IRF4: variants seen among roughly 807,000 people sequenced by gnomAD.
The protein encoded by IRF4 is interferon regulatory factor 4, also known as lymphocyte-specific interferon regulatory factor.
Under a neutral mutation model 55.5 loss-of-function variants are expected in IRF4, and 13 were observed. The observed-to-expected ratio is 0.23, with a 90% confidence interval of 0.15 to 0.37. The LOEUF is 0.37. Among genes scored for constraint, IRF4 ranks in the 10% least tolerant of loss-of-function variants. IRF4 has a pLI of 1.00. For missense variants in IRF4, 397 were observed against 593.8 expected (o/e 0.67, Z 3.44); for synonymous variants, 249 against 240.7 (o/e 1.03, Z -0.32).
rs139884486 is a variant in IRF4, at chr6:393,175, G to T, written c.23G>T (p.Arg8Leu). The stretch of plus-strand genomic sequence containing the variant: ...GGCATGAACCTGGAGGGCGGCGGCC[G>T]AGGCGGAGAGTTCGGCATGAGCGCG... The part of the protein sequence containing the change: MNLEGGG[R>L]GGEFGMSAVS... The change falls in exon 2 of 9, where the codon CGA (arginine) becomes CTA (leucine). Residue 8 changes from arginine to leucine, a missense_variant. Physicochemically the swap from Arg to Leu is moderately radical, Grantham distance 102 (BLOSUM62 -2). This residue lies in a region of IRF4 where 34 missense variants were observed against 29.4 expected (regional missense o/e 1.16). Transcript: ENST00000380956. The surrounding 1 kb of genome is among the most constrained non-coding windows in gnomAD (Gnocchi z 5.4). The T allele has an allele frequency of 2.6e-5, 40 of 1,552,266 alleles. No homozygotes were observed. In the African/African-American group the frequency reaches 5.2e-4, roughly 20 times the overall value.
rs34553882 is a variant in IRF4, at chr6:393,837, GTC to G, written c.216+480_216+481del. 0.13 allele frequency among the ~76,000 whole-genome samples: 19,394 copies of G among 151,944 alleles called. 2,897 individuals carry two copies. The highest frequency in any genetic ancestry group is 0.36 in the African/African-American group (14,717 of 41,358). ...CTCTTTTCGCTGCTTTTCTCTCTGAGTCTCTCTCTCTCCATGTTTTTCCTGAG... is the reference window on the plus strand; with the variant it reads ...CTCTTTTCGCTGCTTTTCTCTCTGAGTCTCTCTCTCCATGTTTTTCCTGAG... On this transcript the variant is annotated intron_variant, in intron 2 of 8. Transcript: ENST00000380956. This position sits in a 1 kb window ranked among gnomAD's most constrained non-coding sequence, Gnocchi z 5.4.
Position 407,661 on chromosome 6 carries a change from C to T in IRF4, c.*63C>T, listed in dbSNP as rs1336337228. ...TTTTTTTTTTTTTGATACGGGGATA[C>T]GGGGTCTTGCTCTGTCTCCCAGGCT... On this transcript the variant is annotated 3_prime_UTR_variant, in exon 9 of 9. Coordinates refer to ENST00000380956, the MANE Select transcript of IRF4 (RefSeq NM_002460.4). 6.7e-5 allele frequency: 91 copies of T among 1,360,148 alleles called. No homozygotes were observed. Among genetic ancestry groups the T allele is most frequent in the South Asian group, 4.3e-4 (33 of 76,858 alleles). The allele number at this position is 1,360,148 out of a possible 1,614,324, so 84.3% of individuals were successfully genotyped here.
intron 6 of IRF4, among the ~76,000 whole-genome samples, chr6:400,840 C>T (rs1442470684): frequency 6.6e-6 from 1 of 151,874 alleles, no homozygotes; most frequent in Non-Finnish European, 1.5e-5. Flanking sequence ...TAAATGATGT[C>T]ATGTTATTAT....
intron 7 of IRF4, among the ~76,000 whole-genome samples, chr6:402,420 C>T (rs1254630457): frequency 6.7e-6 from 1 of 150,068 alleles, no homozygotes; most frequent in Non-Finnish European, 1.5e-5. Flanking sequence ...TGGGGCTGTC[C>T]AGGTGGAGGG....
chr6:401,331 A>C, intron 6 of IRF4, 93 bp from the exon 7 acceptor site: 1 of 927,476 alleles, frequency 1.1e-6, no homozygotes, highest in East Asian at 2.5e-5. Flanking sequence ...GGGACACTAG[A>C]GTTCCACCAC....
chr6:411,097 C>G lies in IRF4; in HGVS notation c.*3499C>G. On this transcript the variant is annotated 3_prime_UTR_variant, in exon 9 of 9. Coordinates refer to ENST00000380956, the MANE Select transcript of IRF4 (RefSeq NM_002460.4). Reference sequence around the variant, plus strand: ...GAAGGGCCAGGCCGGCAGGCCAACCCTCCTCCAATGGAAATTCCCGTGTTG... The same window carrying G: ...GAAGGGCCAGGCCGGCAGGCCAACCGTCCTCCAATGGAAATTCCCGTGTTG... 4.3e-6 allele frequency: 1 copy of G among 233,396 alleles called. No homozygotes were observed. Among genetic ancestry groups the G allele is most frequent in the Non-Finnish European group, 8.5e-6 (1 of 118,052 alleles). 14.5% of individuals were successfully genotyped at this position (233,396 alleles called of 1,614,324 possible). A position where few individuals can be genotyped will look rare whatever the true frequency, so the allele number is the denominator to read the frequency against.
chr6:396,053 A>G (rs1170193803), intron 4 of IRF4, 118 bp downstream of exon 4: 8 of 733,892 alleles, frequency 1.1e-5, no homozygotes, highest in African/African-American at 3.6e-5. Flanking sequence ...GGCTGCTCCA[A>G]CAGCCCAGAA....
In IRF4 at chr6:393,926, TTG is replaced by T. The variant is rs1324494422; in HGVS notation, c.216+564_216+565del. ...GGTACTCCCACCTCTGTCTTTCTCT[TTG>T]TGTGTCTCTGTCTCTCTCTTTCCCC... On this transcript the variant is annotated intron_variant, in intron 2 of 8. Transcript: ENST00000380956. This position sits in a 1 kb window ranked among gnomAD's most constrained non-coding sequence, Gnocchi z 5.4. Among the ~76,000 whole-genome samples, 1 of 152,174 alleles carries T rather than the reference TTG, an allele frequency of 6.6e-6. No individual in the cohort carries two copies. Among genetic ancestry groups the T allele is most frequent in the Admixed American group, 6.5e-5 (1 of 15,280 alleles).
In IRF4 at chr6:409,936, A is replaced by G. The variant is rs1761651209; in HGVS notation, c.*2338A>G. On this transcript the variant is annotated 3_prime_UTR_variant, in exon 9 of 9. Transcript: ENST00000380956. The stretch of plus-strand genomic sequence containing the variant: ...AACAGTGGAGCTGAATTTTCTGGAA[A>G]ATGCTTCTTGGCTGGGGCCACTACC... 4.4e-6 allele frequency: 1 copy of G among 229,320 alleles called. No homozygotes were observed. The highest frequency in any genetic ancestry group is 2.2e-5 in the African/African-American group (1 of 45,112). The allele number at this position is 229,320 out of a possible 1,614,324, so 14.2% of individuals were successfully genotyped here.
At chr6:404,121 G>A (rs1005757379) in intron 7 of IRF4, among the ~76,000 whole-genome samples, 5 of 152,310 alleles carry the variant, frequency 3.3e-5, no homozygotes, top group Middle Eastern at 3.4e-3. Flanking sequence ...TGATAAGGAC[G>A]CGTCTGTTCT....
At chr6:396,562 T>C (rs964902588) in intron 4 of IRF4, among the ~76,000 whole-genome samples, 3 of 149,474 alleles carry the variant, frequency 2.0e-5, no homozygotes, top group African/African-American at 7.4e-5. Flanking sequence ...GTGCTTCTTA[T>C]CTCAGCCTCT....
In IRF4 at chr6:391,807, G is replaced by A; in HGVS notation, c.-58G>A. ...CTGCCCTCAGCTCCGAGTCCAGGGC[G>A]AGGTAAGGGCTGGAGTCGGGCAGGA... is the stretch of plus-strand genomic sequence containing the variant. On this transcript the variant is annotated splice_region_variant and 5_prime_UTR_variant, in exon 1 of 9. Transcript: ENST00000380956. 1 of 456,160 alleles carries A rather than the reference G, an allele frequency of 2.2e-6. No homozygotes were observed. The highest frequency in any genetic ancestry group is 4.4e-6 in the Non-Finnish European group (1 of 226,934). The allele number at this position is 456,160 out of a possible 1,614,324, so 28.3% of individuals were successfully genotyped here.
At chr6:395,242 G>GGC (rs1761222364) in intron 3 of IRF4, among the ~76,000 whole-genome samples, 2 of 151,416 alleles carry the variant, frequency 1.3e-5, no homozygotes, top group African/African-American at 4.9e-5. Context: ...TGTATATGGG[G>GGC]GGGGGTGCAT....
rs1761169911 is a variant in IRF4, at chr6:393,385, G to C, written c.216+17G>C. The stretch of plus-strand genomic sequence containing the variant: ...CTCTTCAAGGTCTCCGGCCTCGGGA[G>C]CCGGCGGGGGCGCGCCGGGGAGGGC... On this transcript the variant is annotated intron_variant, in intron 2 of 8. Transcript: ENST00000380956. This position sits in a 1 kb window ranked among gnomAD's most constrained non-coding sequence, Gnocchi z 5.4. The C allele has an allele frequency of 6.5e-7, 1 of 1,544,130 alleles. No homozygotes were observed.
chr6:401,338 C>T (rs1036130794), intron 6 of IRF4, 86 bp from the exon 7 acceptor site: 1 of 1,020,206 alleles, frequency 9.8e-7, no homozygotes, highest in Non-Finnish European at 1.5e-6. Context: ...TAGAGTTCCA[C>T]CACAGGTGCT....
chr6:393,028 C>T lies in IRF4; in HGVS notation c.-55-70C>T. 2.3e-6 allele frequency: 2 copies of T among 874,474 alleles called. No individual in the cohort carries two copies. Among genetic ancestry groups the T allele is most frequent in the Middle Eastern group, 3.5e-4 (1 of 2,864 alleles). The allele number at this position is 874,474 out of a possible 1,614,324, so 54.2% of individuals were successfully genotyped here. A position where few individuals can be genotyped will look rare whatever the true frequency, so the allele number is the denominator to read the frequency against. On this transcript the variant is annotated intron_variant, in intron 1 of 8. Transcript: ENST00000380956. This position sits in a 1 kb window ranked among gnomAD's most constrained non-coding sequence, Gnocchi z 5.4. ...GACTCCGGGGCCTCGTGGTCACTGG[C>T]GCAGGGGATCGGGGCGGGGTGCCCG... is the stretch of plus-strand genomic sequence containing the variant.
rs1054534447 is a variant in IRF4, at chr6:410,206, A to T, written c.*2608A>T. On this transcript the variant is annotated 3_prime_UTR_variant, in exon 9 of 9. Transcript: ENST00000380956. The stretch of plus-strand genomic sequence containing the variant: ...AAGATTTGAGGACTTGTTAAAGAGC[A>T]CTGGGTCATATGGAAAAAATGTATG... The T allele has an allele frequency of 4.8e-5, 11 of 229,578 alleles. No individual in the cohort carries two copies. Among genetic ancestry groups the T allele is most frequent in the Non-Finnish European group, 9.5e-5 (11 of 115,714 alleles). The allele number at this position is 229,578 out of a possible 1,614,324, so 14.2% of individuals were successfully genotyped here.
intron 7 of IRF4, among the ~76,000 whole-genome samples, chr6:403,251 G>C (rs891810318): frequency 6.6e-6 from 1 of 152,186 alleles, no homozygotes; most frequent in Admixed American, 6.5e-5. Context: ...GAAATTGAAG[G>C]GCAACTGGGG....
chr6:402,965 C>T (rs1445177711), intron 7 of IRF4, among the ~76,000 whole-genome samples: 1 of 152,188 alleles, frequency 6.6e-6, no homozygotes, highest in African/African-American at 2.4e-5. Context: ...CTGTGGGAGG[C>T]GGAGGTTGCA....
Sources: gnomAD v4.1 joint callset for allele counts (sites outside exome capture counted in the v4.1 genomes callset) on GRCh38, gnomAD v4.1.1 for gene constraint, gnomAD v4.1.1 regional missense constraint, Gnocchi (gnomAD v3.1) non-coding constraint, MANE v1.5 for transcripts, NCBI Gene and HGNC (gene_info 2026-07-23, HGNC 2026-07-21) for gene names.